The following TAX1BP1 variants were observed in gnomAD, a reference collection of about 807,000 sequenced individuals.
TAX1BP1 encodes Tax1 binding protein 1, also known as tax1-binding protein 1.
Under a neutral mutation model 97.7 loss-of-function variants are expected in TAX1BP1, and 62 were observed. The ratio of observed to expected loss-of-function variants is 0.63; its 90% CI spans 0.52 to 0.78. TAX1BP1 has a LOEUF of 0.78. TAX1BP1 is among the 30% of genes least tolerant of loss of function. The pLI is 0.00. For missense variants in TAX1BP1, 867 were observed against 916.1 expected (o/e 0.95, Z 0.69); for synonymous variants, 340 against 304.2 (o/e 1.12, Z -1.23).
At chr7:27,816,138 C>A (rs188387306) in intron 13 of TAX1BP1, among the ~76,000 whole-genome samples, 3 of 152,168 alleles carry the variant, frequency 2.0e-5, no homozygotes, top group Non-Finnish European at 4.4e-5. Flanking sequence ...GAAAATACAT[C>A]GGCTTTATCC....
intron 13 of TAX1BP1, among the ~76,000 whole-genome samples, chr7:27,802,933 A>G (rs1240428571): frequency 2.0e-5 from 3 of 152,206 alleles, no homozygotes; most frequent in African/African-American, 7.2e-5. Flanking sequence ...TTTAAGAATA[A>G]GGCAAGTTGG....
At position 27,793,073 on chromosome 7, in the gene TAX1BP1, CT is replaced by C; in HGVS notation, c.1272del (p.Asp425IlefsTer7). The C allele has an allele frequency of 6.3e-7, 1 of 1,599,300 alleles. No individual in the cohort carries two copies. Among genetic ancestry groups the C allele is most frequent in the Non-Finnish European group, 8.5e-7 (1 of 1,176,558 alleles). On this transcript the variant is annotated frameshift_variant, in exon 10 of 17. Coordinates refer to ENST00000396319, the MANE Select transcript of TAX1BP1 (RefSeq NM_006024.7). LOFTEE classifies it high-confidence loss of function. Reference protein sequence around the residue: ...LNAMKKDQDKTDTLEHELRRE... With the variant: ...LNAMKKDQDKXDTLEHELRRE... ...ATGTTTGTTTCTTTCTAGGACAAGA[CT>C]GATACACTGGAACACGAACTAAGAA...
intron 2 of TAX1BP1, among the ~76,000 whole-genome samples, chr7:27,751,035 C>T (rs1036105617): frequency 6.6e-6 from 1 of 152,132 alleles, no homozygotes. Flanking sequence ...AATGCCAAGA[C>T]CAAATAACCT....
In TAX1BP1 at chr7:27,748,655, C is replaced by A; in HGVS notation, c.131C>A (p.Pro44Gln). 1 of 1,563,194 alleles carries A rather than the reference C, an allele frequency of 6.4e-7. No homozygotes were observed. Among genetic ancestry groups the A allele is most frequent in the Non-Finnish European group, 8.7e-7 (1 of 1,150,670 alleles). ...TACACCTTAACTCCATATATTCATC[C>A]ACATCCAAAAGATTGGGTTGGTATA... ...CHYTLTPYIH[P>Q]HPKDWVGIFK... is the part of the protein sequence containing the mutation. The change falls in exon 2 of 17, where the codon CCA (proline) becomes CAA (glutamine). Residue 44 changes from proline to glutamine, a missense_variant. Physicochemically the swap from Pro to Gln is moderately conservative, Grantham distance 76. This residue lies in a region of TAX1BP1 where 822 missense variants were observed against 851.4 expected (regional missense o/e 0.97). Transcript: ENST00000396319.
chr7:27,763,767 C>CA (rs575118347), intron 3 of TAX1BP1, among the ~76,000 whole-genome samples: 2,853 of 118,598 alleles, frequency 0.024, 26 homozygotes, highest in South Asian at 0.041. Flanking sequence ...GACTCTGTCT[C>CA]AAAAAAAAAA....
intron 13 of TAX1BP1, among the ~76,000 whole-genome samples, chr7:27,810,474 CTACCATGCTGT>C (rs1296321621): frequency 6.6e-6 from 1 of 152,148 alleles, no homozygotes; most frequent in African/African-American, 2.4e-5. Flanking sequence ...TGATTCCAAT[CTACCATGCTGT>C]GCTGCCTTCC....
chr7:27,748,027 A>T (rs887015298), intron 1 of TAX1BP1, among the ~76,000 whole-genome samples: 3 of 152,124 alleles, frequency 2.0e-5, no homozygotes, highest in African/African-American at 7.2e-5. Flanking sequence ...GATGAATGGG[A>T]TGGGCTAGGT....
At chr7:27,825,131 ATTCTT>A (rs1791126963) in intron 15 of TAX1BP1, among the ~76,000 whole-genome samples, 1 of 115,548 alleles carries the variant, frequency 8.7e-6, no homozygotes, top group African/African-American at 3.2e-5. Context: ...ATGGTGTCAT[ATTCTT>A]TTAAGATGTA....
At chr7:27,741,875 C>T (rs1318098849) in intron 1 of TAX1BP1, among the ~76,000 whole-genome samples, 1 of 152,182 alleles carries the variant, frequency 6.6e-6, no homozygotes, top group Non-Finnish European at 1.5e-5. Flanking sequence ...GTCAGGGTCA[C>T]AAGACAATAG....
At chr7:27,805,213 T>G (rs1025069340) in intron 13 of TAX1BP1, among the ~76,000 whole-genome samples, 70 of 152,206 alleles carry the variant, frequency 4.6e-4, no homozygotes, top group African/African-American at 1.6e-3. Context: ...TGGGAGAGAT[T>G]AGGAATAGTA....
At position 27,768,696 on chromosome 7, in the gene TAX1BP1, GAT is replaced by G. The variant is rs1416140354; in HGVS notation, c.454-976_454-975del. Among the ~76,000 whole-genome samples the G allele has an allele frequency of 3.3e-5, 5 of 151,854 alleles. No individual in the cohort carries two copies. The East Asian group carries it at 9.6e-4, about 29-fold the overall frequency. On this transcript the variant is annotated intron_variant, in intron 4 of 16. Coordinates refer to ENST00000396319, the MANE Select transcript of TAX1BP1 (RefSeq NM_006024.7). ...CAAATCATTTTTTAAAAATAGATAAGATATAAAAAAATTCAATGATTGAATAA... is the reference window on the plus strand; with the variant it reads ...CAAATCATTTTTTAAAAATAGATAAGATAAAAAAATTCAATGATTGAATAA...
intron 1 of TAX1BP1, among the ~76,000 whole-genome samples, chr7:27,741,095 CAG>C (rs1177168141): frequency 6.6e-6 from 1 of 152,218 alleles, no homozygotes; most frequent in African/African-American, 2.4e-5. Flanking sequence ...TAGACATACA[CAG>C]TGTTAGATTT....
Position 27,828,884 on chromosome 7 carries a change from A to AAC in TAX1BP1, c.*55_*56insAC. 8.4e-7 allele frequency: 1 copy of AAC among 1,194,580 alleles called. No individual in the cohort carries two copies. The highest frequency in any genetic ancestry group is 1.2e-6 in the Non-Finnish European group (1 of 842,022). 74.0% of individuals were successfully genotyped at this position (1,194,580 alleles called of 1,614,324 possible). A position where few individuals can be genotyped will look rare whatever the true frequency, so the allele number is the denominator to read the frequency against. On this transcript the variant is annotated 3_prime_UTR_variant, in exon 17 of 17. Coordinates refer to ENST00000396319, the MANE Select transcript of TAX1BP1 (RefSeq NM_006024.7). ...AGCAGTAAAAAAAAAAAAAAAAACC[A>AAC]CACCTAAAATAGACCACTGAGGAGA...
At chr7:27,825,381 CTCA>C (rs1401951307) in intron 15 of TAX1BP1, among the ~76,000 whole-genome samples, 1 of 152,084 alleles carries the variant, frequency 6.6e-6, no homozygotes, top group Non-Finnish European at 1.5e-5. Flanking sequence ...GAAGATTTCA[CTCA>C]TCATTTTGCC....
intron 13 of TAX1BP1, among the ~76,000 whole-genome samples, chr7:27,810,471 A>G (rs1371078620): frequency 1.3e-5 from 2 of 152,170 alleles, no homozygotes; most frequent in African/African-American, 4.8e-5. Context: ...GCCTGATTCC[A>G]ATCTACCATG....
chr7:27,792,107 T>G lies in TAX1BP1; in HGVS notation c.1140T>G (p.Ala380=), dbSNP rs1009828230. ...TTCTGGCTAAAGAACTCAGTGATGC[T>G]GTCAACGTACGAGACAGAACGATGG... ...VVFLAKELSD[A]VNVRDRTMAD... The change falls in exon 9 of 17, where the codon GCT becomes GCG. Residue 380 remains alanine (A), a synonymous_variant. Coordinates refer to ENST00000396319, the MANE Select transcript of TAX1BP1 (RefSeq NM_006024.7). 1 of 1,613,996 alleles carries G rather than the reference T, an allele frequency of 6.2e-7. No homozygotes were observed. Among genetic ancestry groups the G allele is most frequent in the African/African-American group, 1.3e-5 (1 of 74,926 alleles).
At position 27,758,023 on chromosome 7, in the gene TAX1BP1, C is replaced by G. The variant is rs750677686; in HGVS notation, c.163-8C>G. On this transcript the variant is annotated splice_polypyrimidine_tract_variant and splice_region_variant and intron_variant, in intron 2 of 16. Transcript: ENST00000396319. ...TATAAATCCGCCTTTTTTGTTATTT[C>G]CCTTTAGGTTGGATGGAGTACTGCT... The G allele has an allele frequency of 1.3e-6, 2 of 1,591,132 alleles. No homozygotes were observed. The highest frequency in any genetic ancestry group is 8.6e-7 in the Non-Finnish European group (1 of 1,167,856).
intron 3 of TAX1BP1, among the ~76,000 whole-genome samples, chr7:27,763,075 T>C (rs1172355674): frequency 6.6e-6 from 1 of 152,222 alleles, no homozygotes. Flanking sequence ...CTAGAACTTT[T>C]TTGTTATATA....
rs376253092 is a variant in TAX1BP1 at position 27,817,688 on chromosome 7, A to G, written c.2085+650A>G. On this transcript the variant is annotated intron_variant, in intron 15 of 16. Coordinates refer to ENST00000396319, the MANE Select transcript of TAX1BP1 (RefSeq NM_006024.7). Reference sequence around the variant, plus strand: ...TATTTAAGAGATTCCTTCAATATTTAATGAATAGGTTTGTTTCCTTACAGC... The same window carrying G: ...TATTTAAGAGATTCCTTCAATATTTGATGAATAGGTTTGTTTCCTTACAGC... Among the ~76,000 whole-genome samples, 25 of 152,312 alleles carry G rather than the reference A, an allele frequency of 1.6e-4. 2 individuals carry two copies. In the South Asian group the frequency reaches 4.6e-3, roughly 28 times the overall value.
Sources: allele counts gnomAD v4.1 joint callset (sites outside exome capture counted in the v4.1 genomes callset), GRCh38; gene constraint gnomAD v4.1.1; regional missense constraint gnomAD v4.1.1; transcripts MANE v1.5; gene names NCBI Gene and HGNC (gene_info 2026-07-23, HGNC 2026-07-21).